CDH17: variants seen among roughly 807,000 people sequenced by gnomAD.
The protein encoded by CDH17 is cadherin 17, also known as cadherin-17.
In CDH17, 67 loss-of-function variants were observed where a neutral mutation model predicts 86.3. That is an observed-to-expected ratio of 0.78 (90% confidence interval 0.64 to 0.95). CDH17 has a LOEUF of 0.95. CDH17 is among the 40% of genes least tolerant of loss of function. The pLI is 0.00. For missense variants in CDH17, 993 were observed against 1,017.6 expected (o/e 0.98, Z 0.33); for synonymous variants, 367 against 366.4 (o/e 1.00, Z -0.02).
At position 94,199,036 on chromosome 8, in the gene CDH17, TTG is replaced by T. The variant is rs1210194664; in HGVS notation, c.-20-4333_-20-4332del. On this transcript the variant is annotated intron_variant, in intron 1 of 17. Coordinates refer to ENST00000027335, the MANE Select transcript of CDH17 (RefSeq NM_004063.4). ...CTCTTCCTCTCAGAGCCAGTTCTGA[TTG>T]ATATATATATATATATATATATATA... 8.5e-4 allele frequency among the ~76,000 whole-genome samples: 80 copies of T among 94,148 alleles called. 1 individual carries two copies. Among genetic ancestry groups the T allele is most frequent in the Admixed American group, 2.8e-3 (20 of 7,084 alleles). The allele number at this position is 94,148 out of a possible 152,430, so 61.8% of individuals were successfully genotyped here.
intron 3 of CDH17, among the ~76,000 whole-genome samples, chr8:94,182,258 C>A (rs1419501826): frequency 6.6e-6 from 1 of 152,040 alleles, no homozygotes; most frequent in African/African-American, 2.4e-5. Context: ...GAGTAAGGAA[C>A]ACTTATTCAA....
rs1812820091 is a variant in CDH17, at chr8:94,149,609, A to T, written c.1797-735T>A. Among the ~76,000 whole-genome samples the T allele has an allele frequency of 2.0e-5, 3 of 152,168 alleles. No homozygotes were observed. In the South Asian group the frequency reaches 6.2e-4, roughly 32 times the overall value. On this transcript the variant is annotated intron_variant, in intron 13 of 17. Transcript: ENST00000027335. ...AGGAAGAGTGTGAGATAAAGCACCA[A>T]GGGCCAAGGAACAGCATGGTGAGTG...
chr8:94,196,857 C>A (rs951390046), intron 1 of CDH17, among the ~76,000 whole-genome samples: 2 of 152,110 alleles, frequency 1.3e-5, no homozygotes, highest in African/African-American at 4.8e-5. Flanking sequence ...TTTGTAACCA[C>A]GTGTACAGTA....
chr8:94,128,540 T>G (rs1230069141), intron 17 of CDH17, among the ~76,000 whole-genome samples, 200 bp from the exon 18 acceptor site: 1 of 152,168 alleles, frequency 6.6e-6, no homozygotes, highest in Non-Finnish European at 1.5e-5. Flanking sequence ...ATTTATCCTG[T>G]TGTATGTATG....
intron 1 of CDH17, among the ~76,000 whole-genome samples, chr8:94,206,352 GAGC>G (rs1814026415): frequency 6.6e-6 from 1 of 152,098 alleles, no homozygotes; most frequent in African/African-American, 2.4e-5. Flanking sequence ...GATAATCAAC[GAGC>G]AGTTACAGAA....
At chr8:94,175,303 C>A (rs1014052083) in intron 5 of CDH17, among the ~76,000 whole-genome samples, 3 of 152,090 alleles carry the variant, frequency 2.0e-5, no homozygotes, top group African/African-American at 7.2e-5. Context: ...AGAAAAGGTA[C>A]GGCCTGGAGC....
chr8:94,208,878 C>T (rs1814078983), upstream of CDH17, among the ~76,000 whole-genome samples: 1 of 152,120 alleles, frequency 6.6e-6, no homozygotes. Flanking sequence ...AAAGACTTTC[C>T]ATATTTTGTA....
intron 15 of CDH17, among the ~76,000 whole-genome samples, chr8:94,132,152 C>A (rs182500248): frequency 6.6e-6 from 1 of 152,278 alleles, no homozygotes; most frequent in East Asian, 1.9e-4. Context: ...GTGCACGTGT[C>A]TTTATAGTAG....
intron 12 of CDH17, among the ~76,000 whole-genome samples, chr8:94,158,807 A>C (rs1236463062): frequency 6.6e-6 from 1 of 152,168 alleles, no homozygotes; most frequent in East Asian, 1.9e-4. Context: ...TCACAATTCC[A>C]AGGCTCTGTC....
At position 94,186,037 on chromosome 8, in the gene CDH17, A is replaced by G. The variant is rs73695144; in HGVS notation, c.150+3150T>C. Among the ~76,000 whole-genome samples, 556 of 152,156 alleles carry G rather than the reference A, an allele frequency of 3.7e-3. 3 individuals are homozygous for G. Among genetic ancestry groups the G allele is most frequent in the African/African-American group, 0.013 (528 of 41,504 alleles). ...ATATGGCTTCATTTATCACTCAGCTAGCCCCTAAGAGCAGTTGAGATAACT... is the reference window on the plus strand; with the variant it reads ...ATATGGCTTCATTTATCACTCAGCTGGCCCCTAAGAGCAGTTGAGATAACT... On this transcript the variant is annotated intron_variant, in intron 3 of 17. Coordinates refer to ENST00000027335, the MANE Select transcript of CDH17 (RefSeq NM_004063.4).
chr8:94,141,566 C>A (rs1051961863), intron 15 of CDH17, among the ~76,000 whole-genome samples: 1 of 152,090 alleles, frequency 6.6e-6, no homozygotes, highest in Non-Finnish European at 1.5e-5. Context: ...ATAAGGTCAG[C>A]AAGCCTCTAG....
chr8:94,170,755 T>C (rs112928128), intron 8 of CDH17, 99 bp downstream of exon 8: 2 of 1,399,268 alleles, frequency 1.4e-6, no homozygotes, highest in African/African-American at 2.9e-5. Context: ...CTGAAATGTG[T>C]GTTTTTTTTT....
chr8:94,142,288 GCTTATACTATACT>G (rs1480354408), intron 15 of CDH17, among the ~76,000 whole-genome samples: 1 of 152,102 alleles, frequency 6.6e-6, no homozygotes, highest in African/African-American at 2.4e-5. Context: ...TGAAATAACA[GCTTATACTATACT>G]CTAGACTGTT....
intron 5 of CDH17, among the ~76,000 whole-genome samples, chr8:94,175,433 G>A (rs1386402238): frequency 2.0e-5 from 3 of 152,174 alleles, no homozygotes; most frequent in Admixed American, 6.5e-5. Context: ...AGGCATTGAA[G>A]AAAGAGAAGG....
intron 17 of CDH17, among the ~76,000 whole-genome samples, 160 bp from the exon 18 acceptor site, chr8:94,128,500 CGTTGG>C (rs1812347061): frequency 6.6e-6 from 1 of 152,096 alleles, no homozygotes; most frequent in Non-Finnish European, 1.5e-5. Flanking sequence ...GGACTCTAGT[CGTTGG>C]CCTTCTTGGA....
At position 94,160,199 on chromosome 8, in the gene CDH17, C is replaced by T. The variant is rs370779407; in HGVS notation, c.1360-37G>A. 4.0e-6 allele frequency: 6 copies of T among 1,511,446 alleles called. No individual in the cohort carries two copies. The African/African-American group carries it at 5.5e-5, about 14-fold the overall frequency. The allele number at this position is 1,511,446 out of a possible 1,614,324, so 93.6% of individuals were successfully genotyped here. A position where few individuals can be genotyped will look rare whatever the true frequency, so the allele number is the denominator to read the frequency against. On this transcript the variant is annotated intron_variant, in intron 11 of 17. Transcript: ENST00000027335. ...ATGGAGAAGGAAACAATGAGAAGGT[C>T]TGCTGTCATCAAAGCCAAAGGACAA... is the stretch of plus-strand genomic sequence containing the variant.
intron 3 of CDH17, among the ~76,000 whole-genome samples, chr8:94,183,843 T>C (rs1388764799): frequency 6.6e-6 from 1 of 151,802 alleles, no homozygotes; most frequent in Non-Finnish European, 1.5e-5. Context: ...ATACGGAATA[T>C]GTAAATAATT....
At chr8:94,173,727 A>T in intron 7 of CDH17, 70 bp downstream of exon 7, 2 of 1,107,320 alleles carry the variant, frequency 1.8e-6, no homozygotes, top group East Asian at 4.7e-5. Context: ...GAAGACTGTG[A>T]GGGTGGGTCT....
chr8:94,161,444 T>G (rs4446705), intron 11 of CDH17, among the ~76,000 whole-genome samples: 40,207 of 152,156 alleles, frequency 0.26, 5,717 homozygotes, highest in Non-Finnish European at 0.33. Context: ...TTCTTGCTCC[T>G]TCAAAATAGA....
Sources: allele counts gnomAD v4.1 joint callset (sites outside exome capture counted in the v4.1 genomes callset), GRCh38; gene constraint gnomAD v4.1.1; transcripts MANE v1.5; gene names NCBI Gene and HGNC (gene_info 2026-07-23, HGNC 2026-07-21).